The following ACYP1 variants were observed in gnomAD, a reference collection of about 807,000 sequenced individuals.
ACYP1 encodes the protein acylphosphatase-1.
In ACYP1, 8 loss-of-function variants were observed where a neutral mutation model predicts 10.4. That is an observed-to-expected ratio of 0.77 (90% CI 0.45 to 1.38). The LOEUF is 1.38. Ranked by LOEUF, ACYP1 falls within the 40% of genes most tolerant of loss-of-function variation. ACYP1 has a pLI of 0.00. For missense variants in ACYP1, 93 were observed against 117.3 expected (o/e 0.79, Z 0.96); for synonymous variants, 38 against 40.8 (o/e 0.93, Z 0.26).
At chr14:75,059,659 G>A (rs1388658495) in intron 2 of ACYP1, among the ~76,000 whole-genome samples, 3 of 152,116 alleles carry the variant, frequency 2.0e-5, no homozygotes, top group African/African-American at 7.2e-5. Flanking sequence ...TTTCTTCAAA[G>A]CAGACATAAA....
rs150837708 is a variant in ACYP1, at chr14:75,063,265, CTAA to C, written c.84+202_84+204del. 7.3e-4 allele frequency: 409 copies of C among 560,394 alleles called. 4 individuals are homozygous for C. The East Asian group carries it at 0.01, about 14-fold the overall frequency. The allele number at this position is 560,394 out of a possible 1,614,324, so 34.7% of individuals were successfully genotyped here. ...TATCTAGATGCTCAGGCACCACTGA[CTAA>C]TAATAACAGCAGGGTGATCTTCCAT... On this transcript the variant is annotated intron_variant, in intron 2 of 2. Coordinates refer to ENST00000238618, the MANE Select transcript of ACYP1 (RefSeq NM_001107.5).
intron 1 of ACYP1, 117 bp downstream of exon 1, chr14:75,063,837 C>T: frequency 2.6e-6 from 2 of 779,562 alleles, no homozygotes; most frequent in Non-Finnish European, 3.4e-6. Flanking sequence ...CATCCATGCC[C>T]GGTCCCGCTC....
intron 2 of ACYP1, among the ~76,000 whole-genome samples, chr14:75,058,934 T>G (rs879272405): frequency 3.9e-5 from 6 of 152,088 alleles, no homozygotes; most frequent in Non-Finnish European, 8.8e-5. Context: ...GCGCGGTGGC[T>G]CACGCCTGTA....
intron 2 of ACYP1, among the ~76,000 whole-genome samples, chr14:75,059,368 G>A (rs1462729771): frequency 6.6e-6 from 1 of 151,872 alleles, no homozygotes; most frequent in Non-Finnish European, 1.5e-5. Context: ...AAAAACATAG[G>A]CATGAACCTT....
intron 2 of ACYP1, 86 bp from the exon 3 acceptor site, chr14:75,053,745 G>C: frequency 7.7e-7 from 1 of 1,292,188 alleles, no homozygotes. Flanking sequence ...TCTTGGCCTA[G>C]AATCAAGCCA....
chr14:75,062,584 G>C (rs1313662297), intron 2 of ACYP1, among the ~76,000 whole-genome samples: 1 of 150,760 alleles, frequency 6.6e-6, no homozygotes, highest in Non-Finnish European at 1.5e-5. Context: ...GGGAGGCTGA[G>C]GCGGATGGAT....
chr14:75,062,781 T>C (rs1459116188), intron 2 of ACYP1, among the ~76,000 whole-genome samples: 2 of 152,136 alleles, frequency 1.3e-5, no homozygotes, highest in African/African-American at 4.8e-5. Context: ...TGAGCTTGCA[T>C]TTGTGTGTGC....
chr14:75,063,371 A>G, intron 2 of ACYP1, 99 bp downstream of exon 2: 1 of 959,410 alleles, frequency 1.0e-6, no homozygotes, highest in South Asian at 1.3e-5. Context: ...TGCAGCTACC[A>G]AATAGCCAGC....
At chr14:75,062,011 G>A (rs1213667538) in intron 2 of ACYP1, among the ~76,000 whole-genome samples, 2 of 146,844 alleles carry the variant, frequency 1.4e-5, no homozygotes, top group African/African-American at 2.5e-5. Flanking sequence ...TGAAGTAGGA[G>A]AAACGCTTGA....
intron 2 of ACYP1, among the ~76,000 whole-genome samples, chr14:75,058,676 A>G (rs2139651217): frequency 6.6e-6 from 1 of 151,486 alleles, no homozygotes; most frequent in African/African-American, 2.4e-5. Context: ...ATATAGATGA[A>G]TGGAATAGTA....
chr14:75,063,709 T>C (rs1893087234), intron 1 of ACYP1, 148 bp from the exon 2 acceptor site: 1 of 730,062 alleles, frequency 1.4e-6, no homozygotes, highest in Admixed American at 2.7e-5. Context: ...GAAACGTGAG[T>C]GGATGTGATA....
At chr14:75,061,902 G>A in intron 2 of ACYP1, 1 of 446,718 alleles carries the variant, frequency 2.2e-6, no homozygotes, top group East Asian at 3.7e-5. Context: ...GGGAGTTCAA[G>A]ACCAGCCTGA....
At chr14:75,062,503 G>C (rs1893048875) in intron 2 of ACYP1, among the ~76,000 whole-genome samples, 2 of 151,732 alleles carry the variant, frequency 1.3e-5, no homozygotes. Context: ...ACAGTCCCAG[G>C]AATGAGACAC....
At chr14:75,058,163 T>C (rs1366043604) in intron 2 of ACYP1, among the ~76,000 whole-genome samples, 1 of 150,272 alleles carries the variant, frequency 6.7e-6, no homozygotes, top group Non-Finnish European at 1.5e-5. Context: ...TAACAACCAG[T>C]TCTCACCGGG....
chr14:75,062,101 CAAAAAAAAAAAA>C (rs35401825), intron 2 of ACYP1, among the ~76,000 whole-genome samples: 2 of 59,744 alleles, frequency 3.3e-5, no homozygotes, highest in Non-Finnish European at 5.6e-5. Context: ...AACTCTGTCT[CAAAAAAAAAAAA>C]AAAAAAAAAA....
chr14:75,057,024 G>T (rs1892893370), intron 2 of ACYP1, among the ~76,000 whole-genome samples: 1 of 151,572 alleles, frequency 6.6e-6, no homozygotes, highest in South Asian at 2.1e-4. Context: ...CACAGCAGGA[G>T]AAAGAAAAGG....
At chr14:75,065,315 T>G (rs1343618498), upstream of ACYP1, among the ~76,000 whole-genome samples, 1 of 152,242 alleles carries the variant, frequency 6.6e-6, no homozygotes, top group Non-Finnish European at 1.5e-5. Flanking sequence ...GATATGGGTT[T>G]GTGACAGTAG....
chr14:75,063,352 T>A lies in ACYP1; in HGVS notation c.84+118A>T. 4 of 775,984 alleles carry A rather than the reference T, an allele frequency of 5.2e-6. No individual in the cohort carries two copies. The South Asian group carries it at 5.9e-5, about 11-fold the overall frequency. 48.1% of individuals were successfully genotyped at this position (775,984 alleles called of 1,614,324 possible). On this transcript the variant is annotated intron_variant, in intron 2 of 2. Coordinates refer to ENST00000238618, the MANE Select transcript of ACYP1 (RefSeq NM_001107.5). Reference sequence around the variant, plus strand: ...CATACTCATTGCTCTACAAACTACCTCTTTGCCATGCAGCTACCAAATAGC... The same window carrying A: ...CATACTCATTGCTCTACAAACTACCACTTTGCCATGCAGCTACCAAATAGC...
intron 2 of ACYP1, among the ~76,000 whole-genome samples, chr14:75,061,049 A>G (rs1001373950): frequency 1.3e-5 from 2 of 150,980 alleles, no homozygotes; most frequent in African/African-American, 4.9e-5. Context: ...CCTGGGTGAC[A>G]GAATGAGGCA....
Sources: gnomAD v4.1 joint callset for allele counts (sites outside exome capture counted in the v4.1 genomes callset) on GRCh38, gnomAD v4.1.1 for gene constraint, MANE v1.5 for transcripts, NCBI Gene and HGNC (gene_info 2026-07-23, HGNC 2026-07-21) for gene names.